The following PDE1C variants were observed in gnomAD, a reference collection of about 807,000 sequenced individuals.
The protein encoded by PDE1C is dual specificity calcium/calmodulin-dependent 3',5'-cyclic nucleotide phosphodiesterase 1C.
PDE1C carries 62 observed loss-of-function variants against 93.1 expected under a neutral mutation model. That is an observed-to-expected ratio of 0.67 (90% CI 0.54 to 0.82). The LOEUF is 0.82. Among genes scored for constraint, PDE1C ranks in the 40% least tolerant of loss-of-function variants. The pLI is 0.00. For synonymous variants in PDE1C, 325 were observed against 310.1 expected (o/e 1.05, Z -0.50); for missense variants, 742 against 884.6 (o/e 0.84, Z 2.04).
chr7:31,966,294 G>A (rs28848244), intron 2 of PDE1C, among the ~76,000 whole-genome samples: 5,906 of 152,138 alleles, frequency 0.039, 390 homozygotes, highest in African/African-American at 0.14. Context: ...ACAAAAAAAG[G>A]CAAGGGTTGC....
chr7:32,377,602 A>T (rs540695249), intron 1 of PDE1C, among the ~76,000 whole-genome samples: 1 of 152,288 alleles, frequency 6.6e-6, no homozygotes, highest in Non-Finnish European at 1.5e-5. Flanking sequence ...TCTTAGTATG[A>T]CCAAGCCCTA....
At chr7:31,794,249 A>G (rs192025901) in intron 16 of PDE1C, among the ~76,000 whole-genome samples, 1 of 152,142 alleles carries the variant, frequency 6.6e-6, no homozygotes, top group Admixed American at 6.6e-5. Context: ...GAATAAGAAC[A>G]GTACAAAGAA....
intron 1 of PDE1C, among the ~76,000 whole-genome samples, chr7:32,210,996 A>G (rs564906232): frequency 3.3e-5 from 5 of 152,248 alleles, no homozygotes; most frequent in African/African-American, 9.6e-5. Flanking sequence ...CGGTCGGGTC[A>G]CGAGGTCAGG....
At chr7:32,083,510 G>T (rs1317076247) in intron 3 of PDE1C, among the ~76,000 whole-genome samples, 1 of 152,012 alleles carries the variant, frequency 6.6e-6, no homozygotes, top group East Asian at 1.9e-4. Flanking sequence ...ATGCCACAAA[G>T]ATACTCCTCA....
intron 1 of PDE1C, among the ~76,000 whole-genome samples, chr7:32,362,371 C>T (rs368727604): frequency 6.6e-6 from 1 of 152,058 alleles, no homozygotes; most frequent in African/African-American, 2.4e-5. Context: ...GCTTTGGATG[C>T]CTCATGCACC....
intron 2 of PDE1C, among the ~76,000 whole-genome samples, chr7:32,003,093 A>G (rs999236776): frequency 2.0e-5 from 3 of 152,232 alleles, no homozygotes; most frequent in African/African-American, 7.2e-5. Flanking sequence ...AAGCCTGCAC[A>G]TTTGAGTAAA....
At chr7:32,153,898 A>G (rs575864060) in intron 3 of PDE1C, among the ~76,000 whole-genome samples, 1 of 152,292 alleles carries the variant, frequency 6.6e-6, no homozygotes, top group East Asian at 1.9e-4. Context: ...CCCCCACAAC[A>G]CACACATCAA....
chr7:31,903,610 C>T (rs1800246829), intron 2 of PDE1C, among the ~76,000 whole-genome samples: 1 of 151,956 alleles, frequency 6.6e-6, no homozygotes, highest in Non-Finnish European at 1.5e-5. Flanking sequence ...ACTATATACT[C>T]TAGTCAGCCT....
rs538427464 is a variant in PDE1C, at chr7:32,010,108, T to A, written c.128+41446A>T. On this transcript the variant is annotated intron_variant, in intron 2 of 17. Coordinates refer to ENST00000396191, the MANE Select transcript of PDE1C (RefSeq NM_001191057.4). Reference sequence around the variant, plus strand: ...AAGATATTATCTCCTCAAATCTATCTATGATTCAGTACAATCCAGCTATAA... The same window carrying A: ...AAGATATTATCTCCTCAAATCTATCAATGATTCAGTACAATCCAGCTATAA... Among the ~76,000 whole-genome samples the A allele has an allele frequency of 2.2e-4, 34 of 152,368 alleles. No individual in the cohort carries two copies. The South Asian group carries it at 7.0e-3, about 32-fold the overall frequency.
intron 2 of PDE1C, among the ~76,000 whole-genome samples, chr7:31,983,093 T>C (rs1323591985): frequency 1.3e-5 from 2 of 152,210 alleles, no homozygotes; most frequent in Non-Finnish European, 2.9e-5. Flanking sequence ...AATTAAAATA[T>C]TCTAAACCCA....
At position 32,378,105 on chromosome 7, in the gene PDE1C, C is replaced by G. The variant is rs537986334; in HGVS notation, c.310+49717G>C. 1.9e-3 allele frequency among the ~76,000 whole-genome samples: 295 copies of G among 152,300 alleles called. 1 individual carries two copies. The highest frequency in any genetic ancestry group is 6.8e-3 in the African/African-American group (281 of 41,566). On this transcript the variant is annotated intron_variant, in intron 1 of 1. Transcript: ENST00000672256. ...TCTGTTACTTCTGTGGCATTGTGTT[C>G]TAACAGCCATGTTAGGAGTCCTACC... is the stretch of plus-strand genomic sequence containing the variant.
intron 16 of PDE1C, among the ~76,000 whole-genome samples, chr7:31,803,445 G>C (rs2128696391): frequency 6.6e-6 from 1 of 151,662 alleles, no homozygotes; most frequent in Non-Finnish European, 1.5e-5. Context: ...GGGTACATGT[G>C]CACAACGTGC....
chr7:31,976,310 A>G (rs756265407), intron 2 of PDE1C, among the ~76,000 whole-genome samples: 6 of 152,218 alleles, frequency 3.9e-5, no homozygotes, highest in Admixed American at 6.5e-5. Context: ...TGAAAGGATA[A>G]AAGAACCAGT....
rs367569652 is a variant in PDE1C at position 31,770,671 on chromosome 7, C to T, written c.1960+4993G>A. ...GATTACAGGCACCCATCACCATGCC[C>T]GGCTAATTTTTGTATTTTAGTAGAG... On this transcript the variant is annotated intron_variant, in intron 17 of 17. Coordinates refer to ENST00000396191, the MANE Select transcript of PDE1C (RefSeq NM_001191057.4). Among the ~76,000 whole-genome samples the T allele has an allele frequency of 1.3e-4, 20 of 152,142 alleles. No homozygotes were observed. In the East Asian group the frequency reaches 1.9e-3, roughly 15 times the overall value.
chr7:31,678,201 T>C, the PDE1C span, among the ~76,000 whole-genome samples: 1 of 152,054 alleles, frequency 6.6e-6, no homozygotes, highest in African/African-American at 2.4e-5. Flanking sequence ...TTTAATTGAA[T>C]TCAAATAAAA....
chr7:31,834,192 T>G (rs76157520), intron 11 of PDE1C, among the ~76,000 whole-genome samples: 1 of 152,230 alleles, frequency 6.6e-6, no homozygotes, highest in South Asian at 2.1e-4. Flanking sequence ...ACCACCTGGA[T>G]GTCCAGGCAG....
intron 1 of PDE1C, among the ~76,000 whole-genome samples, chr7:32,290,954 T>A (rs1812293579): frequency 6.6e-6 from 1 of 152,170 alleles, no homozygotes; most frequent in Non-Finnish European, 1.5e-5. Context: ...AGTTGGTTAT[T>A]ATTATTTTCA....
chr7:32,392,741 C>G (rs1245022965), intron 1 of PDE1C, among the ~76,000 whole-genome samples: 1 of 151,982 alleles, frequency 6.6e-6, no homozygotes, highest in African/African-American at 2.4e-5. Context: ...AATCTAATAT[C>G]CATTCTGATT....
rs529613082 is a variant in PDE1C at position 31,964,567 on chromosome 7, G to C, written c.129-83707C>G. 5.3e-5 allele frequency among the ~76,000 whole-genome samples: 8 copies of C among 152,350 alleles called. No homozygotes were observed. In the South Asian group the frequency reaches 1.0e-3, roughly 20 times the overall value. Reference sequence around the variant, plus strand: ...CAAACAAAAGGCAGAAGTAACCTCTGCAGACTTGAATGTCCCTGTCTGTCA... The same window carrying C: ...CAAACAAAAGGCAGAAGTAACCTCTCCAGACTTGAATGTCCCTGTCTGTCA... On this transcript the variant is annotated intron_variant, in intron 2 of 17. Transcript: ENST00000396191.
Sources: allele counts gnomAD v4.1 joint callset (sites outside exome capture counted in the v4.1 genomes callset), GRCh38; gene constraint gnomAD v4.1.1; transcripts MANE v1.5; gene names NCBI Gene and HGNC (gene_info 2026-07-23, HGNC 2026-07-21).